The following LGALS9C variants were observed in gnomAD, a reference collection of about 807,000 sequenced individuals.
LGALS9C encodes the protein galectin-9C.
In LGALS9C, 7 loss-of-function variants were observed where a neutral mutation model predicts 41.3. The ratio of observed to expected loss-of-function variants is 0.17; its 90% CI spans 0.10 to 0.32. LGALS9C has a LOEUF of 0.32. Ranked by LOEUF, LGALS9C falls within the 10% of genes least tolerant of loss-of-function variation. LGALS9C has a pLI of 1.00. For synonymous variants in LGALS9C, 44 were observed against 171.0 expected (o/e 0.26, Z 5.80); for missense variants, 102 against 455.2 (o/e 0.22, Z 7.06).
chr17:18,488,424 C>T (rs1312096751), intron 4 of LGALS9C, among the ~76,000 whole-genome samples: 16 of 113,178 alleles, frequency 1.4e-4, no homozygotes, highest in African/African-American at 4.0e-4. Context: ...TAGAGTTCTG[C>T]CTGAGCAACA....
rs745731940 is a variant in LGALS9C at position 18,487,622 on chromosome 17, CG to C, written c.334-24del. On this transcript the variant is annotated intron_variant, in intron 3 of 10. Transcript: ENST00000328114. ...CCATCCCGGCCTGGGGCACCTCCCC[CG>C]AAATACGTGCTCTCCTCTGGCAGGT... The C allele has an allele frequency of 1.1e-3, 1,558 of 1,414,190 alleles. 37 individuals carry two copies. Among genetic ancestry groups the C allele is most frequent in the Non-Finnish European group, 1.3e-3 (1,348 of 1,034,250 alleles). The allele number at this position is 1,414,190 out of a possible 1,614,324, so 87.6% of individuals were successfully genotyped here.
rs1185862037 is a variant in LGALS9C, at chr17:18,487,694, CT to C, written c.383del (p.Phe128SerfsTer90). 1 of 1,551,644 alleles carries C rather than the reference CT, an allele frequency of 6.4e-7. No individual in the cohort carries two copies. Among genetic ancestry groups the C allele is most frequent in the Non-Finnish European group, 8.8e-7 (1 of 1,133,204 alleles). On this transcript the variant is annotated frameshift_variant, in exon 4 of 11. Transcript: ENST00000328114. LOFTEE classifies it high-confidence loss of function. ...TCGTGCAGTACTTCCACCGCGTGCC[CT>C]TCCACCGTGTGGACACCATCTCCGT... ...LFVQYFHRVPFHRVDTISVNG... is the reference protein window; with the variant it reads ...LFVQYFHRVPXHRVDTISVNG...
At chr17:18,492,134 C>A in intron 8 of LGALS9C, 145 bp downstream of exon 8, 1 of 366,342 alleles carries the variant, frequency 2.7e-6, no homozygotes, top group Non-Finnish European at 5.2e-6. Context: ...TCAAAGCGTC[C>A]CAGTGAATTA....
At chr17:18,477,080 T>C (rs1225698897) in intron 1 of LGALS9C, among the ~76,000 whole-genome samples, 187 bp downstream of exon 1, 5 of 135,034 alleles carry the variant, frequency 3.7e-5, no homozygotes, top group Admixed American at 3.6e-4. Flanking sequence ...CACTCATGCC[T>C]GGAGAGATGC....
chr17:18,493,448 T>G lies in LGALS9C; in HGVS notation c.924+589T>G. The stretch of plus-strand genomic sequence containing the variant: ...GCCTCTCCAGGAACAGCAGCAGGCG[T>G]GCTCCGCCCTGACTACACATTCAAA... On this transcript the variant is annotated intron_variant, in intron 10 of 10. Coordinates refer to ENST00000328114, the MANE Select transcript of LGALS9C (RefSeq NM_001040078.3). 1.7e-5 allele frequency among the ~76,000 whole-genome samples: 2 copies of G among 119,130 alleles called. 1 individual carries two copies. The highest frequency in any genetic ancestry group is 5.9e-5 in the African/African-American group (2 of 33,666). 78.2% of individuals were successfully genotyped at this position (119,130 alleles called of 152,430 possible). A position where few individuals can be genotyped will look rare whatever the true frequency, so the allele number is the denominator to read the frequency against.
Position 18,492,687 on chromosome 17 carries a change from C to T in LGALS9C, c.762-10C>T, listed in dbSNP as rs1264819406. 4 of 1,427,320 alleles carry T rather than the reference C, an allele frequency of 2.8e-6. No homozygotes were observed. The highest frequency in any genetic ancestry group is 1.2e-5 in the South Asian group (1 of 85,480). The allele number at this position is 1,427,320 out of a possible 1,614,324, so 88.4% of individuals were successfully genotyped here. On this transcript the variant is annotated splice_polypyrimidine_tract_variant and intron_variant, in intron 9 of 10. Transcript: ENST00000328114. Reference sequence around the variant, plus strand: ...AGTGGACAAAGGTCCAGGTAGGCTGCCCACCCCAGGTTCCACATCAACCTG... The same window carrying T: ...AGTGGACAAAGGTCCAGGTAGGCTGTCCACCCCAGGTTCCACATCAACCTG...
At chr17:18,488,252 C>T (rs531726833) in intron 4 of LGALS9C, among the ~76,000 whole-genome samples, 25 of 123,466 alleles carry the variant, frequency 2.0e-4, no homozygotes, top group African/African-American at 5.9e-4. Context: ...CACACAATGG[C>T]GCCCCTGGGC....
At chr17:18,487,421 T>G (rs1598147660) in intron 3 of LGALS9C, among the ~76,000 whole-genome samples, 2 of 40,224 alleles carry the variant, frequency 5.0e-5, no homozygotes, top group African/African-American at 1.4e-4. Context: ...AATCGAGGAG[T>G]GAGAAGAAAG....
At chr17:18,488,631 T>C (rs527546694) in intron 4 of LGALS9C, among the ~76,000 whole-genome samples, 1 of 122,056 alleles carries the variant, frequency 8.2e-6, no homozygotes, top group East Asian at 2.0e-4. Context: ...CTCCCTGAGA[T>C]GAGCGAAGTG....
At chr17:18,483,424 G>A (rs372270157) in intron 1 of LGALS9C, among the ~76,000 whole-genome samples, 291 of 110,598 alleles carry the variant, frequency 2.6e-3, no homozygotes, top group South Asian at 8.4e-3. Flanking sequence ...GTTCCCTTGG[G>A]CCTCCTGAGT....
rs748953476 is a variant in LGALS9C at position 18,485,973 on chromosome 17, C to T, written c.171C>T (p.Asp57=). The T allele has an allele frequency of 7.9e-7, 1 of 1,267,616 alleles. No individual in the cohort carries two copies. 78.5% of individuals were successfully genotyped at this position (1,267,616 alleles called of 1,614,324 possible). A position where few individuals can be genotyped will look rare whatever the true frequency, so the allele number is the denominator to read the frequency against. ...VDFQTGFSGN[D]IAFHFNPRFE... ...TTCAGACGGGCTTCAGTGGAAACGA[C>T]ATTGCCTTCCACTTCAACCCTCGGT... is the stretch of plus-strand genomic sequence containing the variant. The change falls in exon 3 of 11, where the codon GAC becomes GAT. Residue 57 remains aspartate (D), a synonymous_variant. Coordinates refer to ENST00000328114, the MANE Select transcript of LGALS9C (RefSeq NM_001040078.3).
Position 18,486,506 on chromosome 17 carries a change from T to TTG in LGALS9C, c.333+371_333+372insTG, listed in dbSNP as rs1263829172. The TTG allele has an allele frequency of 6.7e-6, 2 of 298,966 alleles. 1 individual carries two copies. Among genetic ancestry groups the TTG allele is most frequent in the African/African-American group, 4.8e-5 (2 of 42,072 alleles). 18.5% of individuals were successfully genotyped at this position (298,966 alleles called of 1,614,324 possible). A position where few individuals can be genotyped will look rare whatever the true frequency, so the allele number is the denominator to read the frequency against. The stretch of plus-strand genomic sequence containing the variant: ...TTTTCAGCGACATTGTTCCAGCCCT[T>TTG]ATCCAGAGTCTATTACGGTTATAGT... On this transcript the variant is annotated intron_variant, in intron 3 of 10. Transcript: ENST00000328114.
At chr17:18,478,114 A>G (rs1989271010) in intron 1 of LGALS9C, among the ~76,000 whole-genome samples, 1 of 128,858 alleles carries the variant, frequency 7.8e-6, no homozygotes, top group Non-Finnish European at 1.9e-5. Flanking sequence ...CCCCCAAGGT[A>G]GAACCTGCAT....
At chr17:18,492,363 C>A (rs1313972781) in intron 8 of LGALS9C, 94 bp from the exon 9 acceptor site, 2 of 1,460,304 alleles carry the variant, frequency 1.4e-6, no homozygotes, top group Non-Finnish European at 1.9e-6. Flanking sequence ...TCTCAGCTGA[C>A]AGCCTAAATT....
chr17:18,477,906 A>G (rs1332227184), intron 1 of LGALS9C, among the ~76,000 whole-genome samples: 3 of 128,738 alleles, frequency 2.3e-5, no homozygotes, highest in Non-Finnish European at 5.7e-5. Flanking sequence ...AGGGCAGGGA[A>G]GCTGCCAGGG....
At position 18,494,668 on chromosome 17, in the gene LGALS9C, C is replaced by T. The variant is rs1989945243; in HGVS notation, c.*301C>T. ...GGAGTGGGCAGTGAAGATGAAGCCC[C>T]ATGCTCAGTCCCCTCCCATCCCCCA... On this transcript the variant is annotated 3_prime_UTR_variant, in exon 11 of 11. Coordinates refer to ENST00000328114, the MANE Select transcript of LGALS9C (RefSeq NM_001040078.3). 1.0e-5 allele frequency: 5 copies of T among 483,704 alleles called. No individual in the cohort carries two copies. Among genetic ancestry groups the T allele is most frequent in the Non-Finnish European group, 1.9e-5 (5 of 258,754 alleles). 30.0% of individuals were successfully genotyped at this position (483,704 alleles called of 1,614,324 possible). A position where few individuals can be genotyped will look rare whatever the true frequency, so the allele number is the denominator to read the frequency against.
At chr17:18,493,033 G>A (rs1989880558) in intron 10 of LGALS9C, among the ~76,000 whole-genome samples, 174 bp downstream of exon 10, 1 of 129,638 alleles carries the variant, frequency 7.7e-6, no homozygotes, top group Non-Finnish European at 1.8e-5. Context: ...TTACTGTCCT[G>A]CATGAAGGAA....
At chr17:18,484,743 G>C (rs568427894) in intron 2 of LGALS9C, among the ~76,000 whole-genome samples, 1 of 151,164 alleles carries the variant, frequency 6.6e-6, no homozygotes, top group African/African-American at 2.4e-5. Flanking sequence ...AAGACCCTCT[G>C]GGCCTCGTAG....
rs564750325 is a variant in LGALS9C at position 18,476,798 on chromosome 17, G to A, written c.-57G>A. On this transcript the variant is annotated 5_prime_UTR_variant, in exon 1 of 11. Transcript: ENST00000328114. The stretch of plus-strand genomic sequence containing the variant: ...ATTACTTTGTTAAGTCATTCCTTCT[G>A]CAAAGGACTGCCTGGCAGGTGTCAA... The A allele has an allele frequency of 3.1e-4, 461 of 1,495,968 alleles. 2 individuals are homozygous for A. The South Asian group carries it at 4.7e-3, about 15-fold the overall frequency. The allele number at this position is 1,495,968 out of a possible 1,614,324, so 92.7% of individuals were successfully genotyped here. A position where few individuals can be genotyped will look rare whatever the true frequency, so the allele number is the denominator to read the frequency against.
Sources: allele counts gnomAD v4.1 joint callset (sites outside exome capture counted in the v4.1 genomes callset), GRCh38; gene constraint gnomAD v4.1.1; transcripts MANE v1.5; gene names NCBI Gene and HGNC (gene_info 2026-07-23, HGNC 2026-07-21).